Variants in EXT1 observed in about 807,000 individuals in gnomAD.
EXT1 encodes exostosin-1.
In EXT1, 20 loss-of-function variants were observed where a neutral mutation model predicts 82.5. That is an observed-to-expected ratio of 0.24 (90% CI 0.17 to 0.35). The LOEUF (loss-of-function observed/expected upper bound fraction) is 0.35. EXT1 is among the 10% of genes least tolerant of loss of function. The pLI, the probability that EXT1 is intolerant of heterozygous loss-of-function variation, is 1.00. For missense variants in EXT1, 757 were observed against 936.5 expected (o/e 0.81, Z 2.50); for synonymous variants, 348 against 350.8 (o/e 0.99, Z 0.09).
intron 1 of EXT1, among the ~76,000 whole-genome samples, chr8:118,024,508 G>A (rs1816168432): frequency 1.4e-5 from 2 of 145,882 alleles, no homozygotes; most frequent in South Asian, 4.5e-4. Flanking sequence ...AGACTCTAGG[G>A]ATAAAACAGC....
chr8:118,060,795 C>T (rs1366878442), intron 1 of EXT1, among the ~76,000 whole-genome samples: 2 of 152,324 alleles, frequency 1.3e-5, no homozygotes, highest in Admixed American at 6.5e-5. Flanking sequence ...GGCTCAGCTG[C>T]TTCGTGTAAA....
intron 1 of EXT1, among the ~76,000 whole-genome samples, chr8:117,845,045 G>T (rs1812331189): frequency 6.6e-6 from 1 of 152,026 alleles, no homozygotes; most frequent in Admixed American, 6.6e-5. Context: ...CTAAAACCAG[G>T]GCCAGGAATT....
intron 1 of EXT1, among the ~76,000 whole-genome samples, chr8:118,049,268 T>C (rs1384267223): frequency 6.6e-6 from 1 of 152,254 alleles, no homozygotes; most frequent in East Asian, 1.9e-4. Flanking sequence ...ACTGCAATAA[T>C]AAGCACATAG....
intron 1 of EXT1, among the ~76,000 whole-genome samples, chr8:117,935,139 G>A (rs938536545): frequency 2.0e-5 from 3 of 152,028 alleles, no homozygotes; most frequent in African/African-American, 7.3e-5. Flanking sequence ...AGAATTAAGT[G>A]ATAACGGAGG....
At chr8:118,106,597 T>C (rs993643492) in intron 1 of EXT1, among the ~76,000 whole-genome samples, 1 of 152,214 alleles carries the variant, frequency 6.6e-6, no homozygotes, top group African/African-American at 2.4e-5. Context: ...ATATTCACCC[T>C]TGCTTTCCTT....
intron 8 of EXT1, among the ~76,000 whole-genome samples, chr8:117,809,456 G>A (rs2129709527): frequency 6.6e-6 from 1 of 151,494 alleles, no homozygotes; most frequent in Non-Finnish European, 1.5e-5. Context: ...GGCCAACACG[G>A]TGAAACCCTG....
chr8:117,816,002 T>C (rs1383866454), intron 7 of EXT1, among the ~76,000 whole-genome samples: 2 of 151,182 alleles, frequency 1.3e-5, no homozygotes, highest in African/African-American at 2.4e-5. Flanking sequence ...TACTGTCTTG[T>C]AGTGTGTGTG....
chr8:118,091,848 C>T (rs914041141), intron 1 of EXT1, among the ~76,000 whole-genome samples: 11 of 151,980 alleles, frequency 7.2e-5, no homozygotes, highest in East Asian at 1.9e-4. Flanking sequence ...TGTGTTATTA[C>T]AAAAAAATTA....
At position 117,952,703 on chromosome 8, in the gene EXT1, G is replaced by A. The variant is rs1814513628; in HGVS notation, c.963-115502C>T. Among the ~76,000 whole-genome samples the A allele has an allele frequency of 3.3e-5, 5 of 152,082 alleles. No homozygotes were observed. The South Asian group carries it at 1.0e-3, about 32-fold the overall frequency. ...CTTGAACCAGGAGGCGGAGGTTACA[G>A]TGAGCCAAGATCATGCCAATGCACT... On this transcript the variant is annotated intron_variant, in intron 1 of 10. Coordinates refer to ENST00000378204, the MANE Select transcript of EXT1 (RefSeq NM_000127.3).
intron 1 of EXT1, among the ~76,000 whole-genome samples, chr8:117,907,136 CTCAGA>C (rs1813559262): frequency 6.6e-6 from 1 of 152,236 alleles, no homozygotes; most frequent in Admixed American, 6.5e-5. Flanking sequence ...CCAAACAATT[CTCAGA>C]TCAAACAACA....
intron 1 of EXT1, among the ~76,000 whole-genome samples, chr8:118,105,488 A>C (rs1036382595): frequency 6.6e-6 from 1 of 152,246 alleles, no homozygotes; most frequent in Non-Finnish European, 1.5e-5. Flanking sequence ...AGTAGCAAAT[A>C]ACACCCCAAC....
At chr8:117,878,257 G>C (rs901720453) in intron 1 of EXT1, among the ~76,000 whole-genome samples, 4 of 152,244 alleles carry the variant, frequency 2.6e-5, no homozygotes, top group African/African-American at 9.6e-5. Context: ...TTGGGCGACA[G>C]AGTGTGAGAC....
At chr8:117,857,220 T>G (rs1318434135) in intron 1 of EXT1, among the ~76,000 whole-genome samples, 1 of 152,188 alleles carries the variant, frequency 6.6e-6, no homozygotes, top group Non-Finnish European at 1.5e-5. Flanking sequence ...GTTGTTTTCA[T>G]GCATGCTAAC....
At chr8:117,895,422 G>A (rs1200805952) in intron 1 of EXT1, among the ~76,000 whole-genome samples, 1 of 152,112 alleles carries the variant, frequency 6.6e-6, no homozygotes, top group Non-Finnish European at 1.5e-5. Context: ...GACAGGCATG[G>A]TCAATGCAAT....
chr8:117,879,467 T>G (rs892497206), intron 1 of EXT1, among the ~76,000 whole-genome samples: 2 of 151,890 alleles, frequency 1.3e-5, no homozygotes, highest in Non-Finnish European at 2.9e-5. Flanking sequence ...CTCTATAATG[T>G]GGAAGACTAC....
chr8:118,095,738 T>C (rs1349552122), intron 1 of EXT1, among the ~76,000 whole-genome samples: 1 of 152,222 alleles, frequency 6.6e-6, no homozygotes, highest in Non-Finnish European at 1.5e-5. Flanking sequence ...AATTTCTACT[T>C]AATCAAGTGT....
intron 1 of EXT1, among the ~76,000 whole-genome samples, chr8:117,926,162 C>T (rs897194317): frequency 6.6e-6 from 1 of 152,188 alleles, no homozygotes; most frequent in African/African-American, 2.4e-5. Context: ...AGTCTATAAT[C>T]AAAGTAAAAT....
Position 117,951,055 on chromosome 8 carries a change from A to T in EXT1, c.963-113854T>A, listed in dbSNP as rs576636848. On this transcript the variant is annotated intron_variant, in intron 1 of 10. Transcript: ENST00000378204. ...ATAATAATATGAATACACATTAGTT[A>T]AAAAACCTAATTGTATTTGAGATCA... is the stretch of plus-strand genomic sequence containing the variant. Among the ~76,000 whole-genome samples, 295 of 152,362 alleles carry T rather than the reference A, an allele frequency of 1.9e-3. 1 individual carries two copies. Among genetic ancestry groups the T allele is most frequent in the African/African-American group, 6.3e-3 (263 of 41,592 alleles).
chr8:117,963,591 A>C (rs945851697), intron 1 of EXT1, among the ~76,000 whole-genome samples: 1 of 152,104 alleles, frequency 6.6e-6, no homozygotes, highest in Non-Finnish European at 1.5e-5. Context: ...CCCGGGTTCA[A>C]GCGATTCTCT....
Sources: allele counts gnomAD v4.1 joint callset (sites outside exome capture counted in the v4.1 genomes callset), GRCh38; gene constraint gnomAD v4.1.1; transcripts MANE v1.5; gene names NCBI Gene and HGNC (gene_info 2026-07-23, HGNC 2026-07-21).